Variants in STK4 observed in about 807,000 individuals in gnomAD.
The protein encoded by STK4 is serine/threonine kinase 4.
In STK4, 30 loss-of-function variants were observed where a neutral mutation model predicts 64.9. The ratio of observed to expected loss-of-function variants is 0.46; its 90% CI spans 0.35 to 0.63. The LOEUF is 0.63. STK4 is among the 20% of genes least tolerant of loss of function. STK4 has a pLI of 0.01. For missense variants in STK4, 466 were observed against 598.5 expected (o/e 0.78, Z 2.31); for synonymous variants, 177 against 199.0 (o/e 0.89, Z 0.93).
rs1435142693 is a variant in STK4 at position 45,005,637 on chromosome 20, G to A, written c.1147+4284G>A. ...CACTCCAGCCTGGGCAACAGAGCGA[G>A]ACTCTGTCTCAAAAAAAAAAAAAAA... On this transcript the variant is annotated intron_variant, in intron 9 of 10. Coordinates refer to ENST00000372806, the MANE Select transcript of STK4 (RefSeq NM_006282.5). Among the ~76,000 whole-genome samples, 10 of 120,630 alleles carry A rather than the reference G, an allele frequency of 8.3e-5. No homozygotes were observed. The Admixed American group carries it at 1.0e-3, about 12-fold the overall frequency. 79.1% of individuals were successfully genotyped at this position (120,630 alleles called of 152,430 possible).
At position 45,038,466 on chromosome 20, in the gene STK4, A is replaced by T. The variant is rs77623195; in HGVS notation, c.1305+13336A>T. Among the ~76,000 whole-genome samples, 874 of 152,140 alleles carry T rather than the reference A, an allele frequency of 5.7e-3. 32 individuals are homozygous for T. In the East Asian group the frequency reaches 0.098, roughly 17 times the overall value. Reference sequence around the variant, plus strand: ...TAGGATCCAAATGCGATTTATAGGAAGTTGGTTGATATGTCTCTTAAGCCA... The same window carrying T: ...TAGGATCCAAATGCGATTTATAGGATGTTGGTTGATATGTCTCTTAAGCCA... On this transcript the variant is annotated intron_variant, in intron 10 of 10. Coordinates refer to ENST00000372806, the MANE Select transcript of STK4 (RefSeq NM_006282.5).
intron 9 of STK4, among the ~76,000 whole-genome samples, chr20:45,023,134 A>G (rs2068278557): frequency 6.6e-6 from 1 of 152,198 alleles, no homozygotes; most frequent in Admixed American, 6.5e-5. Flanking sequence ...CAGTTGCATG[A>G]TCATGGCTCT....
chr20:45,061,429 C>T (rs927911864), intron 10 of STK4, among the ~76,000 whole-genome samples: 31 of 152,044 alleles, frequency 2.0e-4, no homozygotes, highest in Non-Finnish European at 4.1e-4. Flanking sequence ...AAACCTTGTG[C>T]CATCCTGCTC....
intron 5 of STK4, among the ~76,000 whole-genome samples, chr20:44,989,935 ATT>A: frequency 6.6e-6 from 1 of 152,110 alleles, no homozygotes; most frequent in African/African-American, 2.4e-5. Context: ...TGCTGTCTTG[ATT>A]ACTGTAAGTT....
chr20:44,995,326 C>A, intron 6 of STK4, 69 bp downstream of exon 6: 1 of 1,525,122 alleles, frequency 6.6e-7, no homozygotes, highest in Non-Finnish European at 8.8e-7. Flanking sequence ...GAAGTTCAAG[C>A]CAGGTGTTGT....
Position 45,077,197 on chromosome 20 carries a change from A to C in STK4, c.*2021A>C, listed in dbSNP as rs1231288375. Reference sequence around the variant, plus strand: ...GGGGTCAATATTTACACAAAAAAGGAAAGTCACAAGCCTGTTTAAAATGAA... The same window carrying C: ...GGGGTCAATATTTACACAAAAAAGGCAAGTCACAAGCCTGTTTAAAATGAA... On this transcript the variant is annotated 3_prime_UTR_variant, in exon 11 of 11. Coordinates refer to ENST00000372806, the MANE Select transcript of STK4 (RefSeq NM_006282.5). The C allele has an allele frequency of 1.3e-5, 2 of 152,234 alleles. No homozygotes were observed. The highest frequency in any genetic ancestry group is 1.3e-4 in the Admixed American group (2 of 15,290). 9.4% of individuals were successfully genotyped at this position (152,234 alleles called of 1,614,324 possible). A position where few individuals can be genotyped will look rare whatever the true frequency, so the allele number is the denominator to read the frequency against.
intron 10 of STK4, among the ~76,000 whole-genome samples, chr20:45,026,847 C>G (rs554425463): frequency 6.6e-6 from 1 of 152,314 alleles, no homozygotes; most frequent in Non-Finnish European, 1.5e-5. Context: ...ATCTGTTCCA[C>G]TGAATCAGGG....
chr20:45,040,790 G>A (rs891013683), intron 10 of STK4, among the ~76,000 whole-genome samples: 39 of 152,134 alleles, frequency 2.6e-4, no homozygotes, highest in African/African-American at 7.2e-4. Flanking sequence ...AAACTCATGC[G>A]TTCTTATGCT....
rs934099823 is a variant in STK4, at chr20:45,079,068, A to T, written c.*3892A>T. On this transcript the variant is annotated 3_prime_UTR_variant, in exon 11 of 11. Transcript: ENST00000372806. ...CAAAACATCAAAAAAAAAAAAAATT[A>T]GTCGGGCATGGTGGTGCACACCTGT... The T allele has an allele frequency of 4.0e-5, 6 of 151,008 alleles. No homozygotes were observed. The highest frequency in any genetic ancestry group is 3.2e-3 in the Middle Eastern group (1 of 314). The allele number at this position is 151,008 out of a possible 1,614,324, so 9.4% of individuals were successfully genotyped here.
At chr20:45,006,707 T>C (rs1268271573) in intron 9 of STK4, among the ~76,000 whole-genome samples, 1 of 152,220 alleles carries the variant, frequency 6.6e-6, no homozygotes, top group African/African-American at 2.4e-5. Context: ...CACATTGGAC[T>C]TGTGGTACAG....
intron 2 of STK4, among the ~76,000 whole-genome samples, chr20:44,976,848 A>G (rs2067347538): frequency 6.6e-6 from 1 of 152,236 alleles, no homozygotes; most frequent in African/African-American, 2.4e-5. Flanking sequence ...AAATGGCTGC[A>G]TTAGTTTCAA....
At chr20:45,067,814 G>A (rs1166971366) in intron 10 of STK4, among the ~76,000 whole-genome samples, 1 of 152,180 alleles carries the variant, frequency 6.6e-6, no homozygotes, top group Non-Finnish European at 1.5e-5. Context: ...ATTATTCATA[G>A]AGATGCTGGG....
At chr20:44,995,064 T>C in intron 5 of STK4, 26 bp from the exon 6 acceptor site, 2 of 1,555,004 alleles carry the variant, frequency 1.3e-6, no homozygotes, top group Non-Finnish European at 1.7e-6. Context: ...AAGCTTAGTG[T>C]CAGTCTCTCT....
chr20:45,023,729 C>T (rs919895916), intron 9 of STK4, among the ~76,000 whole-genome samples: 4 of 152,146 alleles, frequency 2.6e-5, no homozygotes, highest in Non-Finnish European at 5.9e-5. Context: ...GCTCTCTTAA[C>T]GGTTACTGCT....
intron 10 of STK4, among the ~76,000 whole-genome samples, chr20:45,055,656 T>C (rs1478748234): frequency 6.6e-6 from 1 of 152,154 alleles, no homozygotes; most frequent in Non-Finnish European, 1.5e-5. Context: ...TTTATTTCTC[T>C]TTTCTTCACT....
At chr20:44,979,145 A>G (rs1469434186) in intron 3 of STK4, among the ~76,000 whole-genome samples, 1 of 152,180 alleles carries the variant, frequency 6.6e-6, no homozygotes, top group African/African-American at 2.4e-5. Flanking sequence ...ACTAGGAAGA[A>G]GAGGCAGAAG....
At chr20:44,970,244 AAG>A (rs200705572) in intron 1 of STK4, among the ~76,000 whole-genome samples, 1,394 of 138,434 alleles carry the variant, frequency 0.01, 23 homozygotes, top group African/African-American at 0.034. Flanking sequence ...ATTAAAAAAA[AAG>A]AAAAAAAAAG....
At chr20:45,065,097 T>C (rs1170984088) in intron 10 of STK4, among the ~76,000 whole-genome samples, 1 of 152,094 alleles carries the variant, frequency 6.6e-6, no homozygotes, top group Admixed American at 6.5e-5. Context: ...AGTAAATGGG[T>C]ATTACTATTT....
chr20:44,988,533 G>GTATATATATGTGTGTGTGTATATATA (rs2067574414), intron 5 of STK4, among the ~76,000 whole-genome samples: 7 of 101,580 alleles, frequency 6.9e-5, no homozygotes, highest in Admixed American at 3.5e-4. Context: ...ATGTGTGTGT[G>GTATATATATGTGTGTGTGTATATATA]TATATATATA....
Sources: allele counts gnomAD v4.1 joint callset (sites outside exome capture counted in the v4.1 genomes callset), GRCh38; gene constraint gnomAD v4.1.1; transcripts MANE v1.5; gene names NCBI Gene and HGNC (gene_info 2026-07-23, HGNC 2026-07-21).